The following CNTNAP2 variants were observed in gnomAD, a reference collection of about 807,000 sequenced individuals.
CNTNAP2 encodes contactin associated protein 2, also known as contactin-associated protein-like 2.
CNTNAP2 carries 98 observed loss-of-function variants against 155.2 expected under a neutral mutation model. The ratio of observed to expected loss-of-function variants is 0.63; its 90% confidence interval spans 0.54 to 0.75. CNTNAP2 has a LOEUF of 0.75. Among genes scored for constraint, CNTNAP2 ranks in the 30% least tolerant of loss-of-function variants. The pLI is 0.00. For synonymous variants in CNTNAP2, 651 were observed against 631.2 expected, an observed-to-expected ratio of 1.03 and a Z score of -0.47; for missense variants, 1,727 against 1,688.1, an observed-to-expected ratio of 1.02 and a Z score of -0.40.
intron 1 of CNTNAP2, among the ~76,000 whole-genome samples, chr7:146,257,286 A>G (rs1237097413): frequency 6.6e-6 from 1 of 152,202 alleles, no homozygotes; most frequent in Non-Finnish European, 1.5e-5. Flanking sequence ...GGAAATTACA[A>G]CCAGAGCCAG....
intron 9 of CNTNAP2, among the ~76,000 whole-genome samples, chr7:147,324,486 G>A (rs1795414457): frequency 2.0e-5 from 3 of 152,054 alleles, no homozygotes; most frequent in African/African-American, 7.2e-5. Flanking sequence ...TCTGGCTGTA[G>A]CATTAAAGCT....
intron 15 of CNTNAP2, among the ~76,000 whole-genome samples, chr7:148,113,108 T>C (rs907019684): frequency 6.6e-6 from 1 of 152,232 alleles, no homozygotes; most frequent in African/African-American, 2.4e-5. Flanking sequence ...TATCTTAGTC[T>C]GTTCTTGCAC....
chr7:147,167,061 C>G (rs757195181), intron 8 of CNTNAP2, among the ~76,000 whole-genome samples: 1 of 152,030 alleles, frequency 6.6e-6, no homozygotes, highest in Admixed American at 6.6e-5. Context: ...CTGAACAACC[C>G]TGACAAAAAT....
chr7:147,669,846 G>T (rs1407433640), intron 13 of CNTNAP2, among the ~76,000 whole-genome samples: 1 of 151,918 alleles, frequency 6.6e-6, no homozygotes, highest in Non-Finnish European at 1.5e-5. Flanking sequence ...ATATTTATTC[G>T]CTACCATAAA....
rs1007179074 is a variant in CNTNAP2 at position 146,501,264 on chromosome 7, A to G, written c.98-273007A>G. On this transcript the variant is annotated intron_variant, in intron 1 of 23. Coordinates refer to ENST00000361727, the MANE Select transcript of CNTNAP2 (RefSeq NM_014141.6). ...TGGGAAGTGTTCCCTTCTATTCTAT[A>G]TTTTGGAAGTGTTTGCGAAGGATTA... Among the ~76,000 whole-genome samples, 14 of 152,190 alleles carry G rather than the reference A, an allele frequency of 9.2e-5. No homozygotes were observed. The East Asian group carries it at 2.1e-3, about 23-fold the overall frequency.
chr7:146,830,688 A>T (rs114583970), intron 2 of CNTNAP2, among the ~76,000 whole-genome samples: 108 of 152,260 alleles, frequency 7.1e-4, no homozygotes, highest in African/African-American at 2.5e-3. Flanking sequence ...GTTAAAACAA[A>T]CTGTACTGGT....
At chr7:146,670,369 T>C (rs932887610) in intron 1 of CNTNAP2, among the ~76,000 whole-genome samples, 6 of 152,134 alleles carry the variant, frequency 3.9e-5, no homozygotes, top group African/African-American at 1.4e-4. Context: ...GCGTATGCCA[T>C]GGACTTTTTT....
intron 1 of CNTNAP2, among the ~76,000 whole-genome samples, chr7:146,604,622 C>T (rs1445329135): frequency 3.5e-4 from 43 of 124,052 alleles, no homozygotes; most frequent in African/African-American, 1.3e-3. Flanking sequence ...GACACATGCA[C>T]ACGTATGTTT....
intron 9 of CNTNAP2, among the ~76,000 whole-genome samples, chr7:147,364,595 TTC>T (rs1398333627): frequency 6.6e-6 from 1 of 152,202 alleles, no homozygotes; most frequent in Non-Finnish European, 1.5e-5. Context: ...CTTCTTTAAG[TTC>T]TGTTGGTTAA....
At chr7:147,927,408 T>C (rs1019631662) in intron 14 of CNTNAP2, among the ~76,000 whole-genome samples, 7 of 152,206 alleles carry the variant, frequency 4.6e-5, no homozygotes, top group South Asian at 2.1e-4. Flanking sequence ...CTAAGAGTTG[T>C]AAAAATGAAA....
At chr7:146,500,613 G>A (rs1797286748) in intron 1 of CNTNAP2, among the ~76,000 whole-genome samples, 1 of 152,150 alleles carries the variant, frequency 6.6e-6, no homozygotes, top group South Asian at 2.1e-4. Context: ...GACCAACAGG[G>A]TCAATTTCTA....
chr7:146,887,577 A>G (rs925346393), intron 3 of CNTNAP2, among the ~76,000 whole-genome samples: 3 of 151,940 alleles, frequency 2.0e-5, no homozygotes, highest in African/African-American at 7.3e-5. Flanking sequence ...TCACATTACC[A>G]TTTATTTTTC....
At chr7:146,676,807 C>T (rs1800405970) in intron 1 of CNTNAP2, among the ~76,000 whole-genome samples, 1 of 152,140 alleles carries the variant, frequency 6.6e-6, no homozygotes. Context: ...TTTTCACTAC[C>T]ATGAGAACAG....
chr7:148,153,341 T>A (rs1482429782), intron 17 of CNTNAP2, among the ~76,000 whole-genome samples: 1 of 151,972 alleles, frequency 6.6e-6, no homozygotes, highest in Non-Finnish European at 1.5e-5. Flanking sequence ...CTTTTGGAAG[T>A]TGTAAGAATC....
intron 1 of CNTNAP2, among the ~76,000 whole-genome samples, chr7:146,131,636 C>T (rs1421102855): frequency 6.6e-6 from 1 of 152,140 alleles, no homozygotes. Flanking sequence ...AATTTGTAAA[C>T]TTTCAGCATC....
At chr7:146,895,345 CTCTT>C (rs555190603) in intron 3 of CNTNAP2, among the ~76,000 whole-genome samples, 2 of 148,588 alleles carry the variant, frequency 1.3e-5, no homozygotes, top group African/African-American at 4.9e-5. Context: ...TCCTTTCTCT[CTCTT>C]TCTCTCTTTC....
At chr7:146,176,163 A>G (rs1380945509) in intron 1 of CNTNAP2, among the ~76,000 whole-genome samples, 6 of 152,224 alleles carry the variant, frequency 3.9e-5, no homozygotes, top group Admixed American at 1.3e-4. Flanking sequence ...TAAATAATGA[A>G]TTGATCCTCA....
chr7:148,266,936 C>T (rs1019562586), intron 20 of CNTNAP2, 97 bp from the exon 21 acceptor site: 12 of 1,115,036 alleles, frequency 1.1e-5, no homozygotes, highest in African/African-American at 1.5e-5. Context: ...ATCAGAAAAC[C>T]AGGGTTCAAA....
intron 3 of CNTNAP2, among the ~76,000 whole-genome samples, chr7:146,871,455 G>A (rs564790363): frequency 4.6e-5 from 7 of 152,046 alleles, no homozygotes; most frequent in African/African-American, 1.7e-4. Flanking sequence ...GCTCAAACCC[G>A]GGAGATGGCG....
Sources: gnomAD v4.1 joint callset for allele counts (sites outside exome capture counted in the v4.1 genomes callset) on GRCh38, gnomAD v4.1.1 for gene constraint, MANE v1.5 for transcripts, NCBI Gene and HGNC (gene_info 2026-07-23, HGNC 2026-07-21) for gene names.